The following FHIT variants were observed in gnomAD, a reference collection of about 807,000 sequenced individuals.
The protein encoded by FHIT is fragile histidine triad diadenosine triphosphatase, also known as bis(5'-adenosyl)-triphosphatase.
Under a neutral mutation model 17.9 loss-of-function variants are expected in FHIT, and 19 were observed. That is an observed-to-expected ratio of 1.06 (90% CI 0.74 to 1.56). The LOEUF is 1.56. Among genes scored for constraint, FHIT ranks in the 40% most tolerant of loss-of-function variants. The pLI, the probability that FHIT is intolerant of heterozygous loss-of-function variation, is 0.00. For missense variants in FHIT, 248 were observed against 189.2 expected, an observed-to-expected ratio of 1.31 and a Z score of -1.82; for synonymous variants, 81 against 69.7, an observed-to-expected ratio of 1.16 and a Z score of -0.81.
chr3:60,082,631 G>A (rs977440443), intron 5 of FHIT, among the ~76,000 whole-genome samples: 9 of 152,114 alleles, frequency 5.9e-5, no homozygotes, highest in African/African-American at 2.2e-4. Context: ...GGTTTCACCA[G>A]CATCTGTGTC....
intron 5 of FHIT, among the ~76,000 whole-genome samples, chr3:60,282,100 CA>C (rs1441734521): frequency 2.6e-5 from 4 of 152,140 alleles, no homozygotes; most frequent in African/African-American, 7.2e-5. Flanking sequence ...TACAGTTTTA[CA>C]GTTTCTTATA....
At chr3:60,541,035 G>C (rs1174688337) in intron 4 of FHIT, among the ~76,000 whole-genome samples, 1 of 152,178 alleles carries the variant, frequency 6.6e-6, no homozygotes, top group East Asian at 1.9e-4. Flanking sequence ...TTCCATAGCT[G>C]TCCAGGTGTT....
At chr3:60,487,192 T>C (rs2033880019) in intron 5 of FHIT, among the ~76,000 whole-genome samples, 1 of 152,006 alleles carries the variant, frequency 6.6e-6, no homozygotes, top group African/African-American at 2.4e-5. Flanking sequence ...ACTAGGCAAG[T>C]TAAAGTGCTG....
chr3:59,974,445 C>T (rs77949270), intron 7 of FHIT, among the ~76,000 whole-genome samples: 1,723 of 152,298 alleles, frequency 0.011, 34 homozygotes, highest in African/African-American at 0.039. Context: ...TTTAGGCCAT[C>T]CTGGCCTAGT....
At chr3:60,027,606 G>T (rs1002732789) in intron 5 of FHIT, among the ~76,000 whole-genome samples, 1 of 151,370 alleles carries the variant, frequency 6.6e-6, no homozygotes, top group African/African-American at 2.4e-5. Flanking sequence ...CGAATACTAC[G>T]CCATAGAGTT....
chr3:60,182,913 TA>T (rs561013009), intron 5 of FHIT, among the ~76,000 whole-genome samples: 2,158 of 136,338 alleles, frequency 0.016, 13 homozygotes, highest in Non-Finnish European at 0.02. Context: ...AATGGAGGGT[TA>T]AAAAAAAAAA....
chr3:60,107,225 C>T (rs1576114309), intron 5 of FHIT, among the ~76,000 whole-genome samples: 1 of 136,640 alleles, frequency 7.3e-6, no homozygotes, highest in African/African-American at 2.8e-5. Flanking sequence ...ATCCAGAGCA[C>T]ATGTGCATAG....
intron 3 of FHIT, among the ~76,000 whole-genome samples, chr3:60,949,746 C>T (rs782116532): frequency 5.3e-5 from 8 of 151,832 alleles, no homozygotes; most frequent in African/African-American, 9.7e-5. Context: ...TTATTTACGT[C>T]GTTGTTATTT....
chr3:60,750,203 C>T (rs1238967221), intron 4 of FHIT, among the ~76,000 whole-genome samples: 4 of 151,966 alleles, frequency 2.6e-5, no homozygotes, highest in African/African-American at 4.8e-5. Context: ...CAATGGGGAC[C>T]GAGAAGAGGC....
At chr3:60,439,387 C>T (rs917762161) in intron 5 of FHIT, among the ~76,000 whole-genome samples, 2 of 152,100 alleles carry the variant, frequency 1.3e-5, no homozygotes, top group East Asian at 1.9e-4. Flanking sequence ...GAAGTCCTAA[C>T]TGATTTGAAT....
chr3:60,125,839 C>T (rs1705523354), intron 5 of FHIT, among the ~76,000 whole-genome samples: 1 of 152,112 alleles, frequency 6.6e-6, no homozygotes, highest in Non-Finnish European at 1.5e-5. Context: ...AAAAACAATG[C>T]TTTGAAGAAA....
chr3:60,222,400 G>A (rs576948660), intron 5 of FHIT, among the ~76,000 whole-genome samples: 17 of 152,222 alleles, frequency 1.1e-4, no homozygotes, highest in Admixed American at 8.5e-4. Flanking sequence ...TGTATTACAG[G>A]TACCAACTTT....
chr3:59,827,458 A>G (rs1158098536), intron 8 of FHIT, among the ~76,000 whole-genome samples: 3 of 152,264 alleles, frequency 2.0e-5, no homozygotes, highest in African/African-American at 7.2e-5. Context: ...TTAACATGAC[A>G]TCAATTGTCA....
rs200346243 is a variant in FHIT at position 60,853,395 on chromosome 3, T to C, written c.-110-31384A>G. On this transcript the variant is annotated intron_variant, in intron 3 of 9. Coordinates refer to ENST00000492590, the MANE Select transcript of FHIT (RefSeq NM_002012.4). ...TTGGAACAACATCCAACAGTTGGAATTGTGAAGTCATAGCCCCTGGAATCA... is the reference window on the plus strand; with the variant it reads ...TTGGAACAACATCCAACAGTTGGAACTGTGAAGTCATAGCCCCTGGAATCA... 1.7e-4 allele frequency among the ~76,000 whole-genome samples: 26 copies of C among 152,230 alleles called. No individual in the cohort carries two copies. The East Asian group carries it at 4.3e-3, about 25-fold the overall frequency.
chr3:60,851,245 C>G (rs1553748190), intron 3 of FHIT, among the ~76,000 whole-genome samples: 1 of 152,100 alleles, frequency 6.6e-6, no homozygotes. Context: ...AATTCCCCCA[C>G]AGAATAAAAT....
At chr3:60,660,531 A>G (rs993056512) in intron 4 of FHIT, among the ~76,000 whole-genome samples, 2 of 152,100 alleles carry the variant, frequency 1.3e-5, no homozygotes, top group African/African-American at 4.8e-5. Context: ...TAGTTACATC[A>G]GACAGATTAT....
At chr3:60,224,475 A>T (rs867662969) in intron 5 of FHIT, among the ~76,000 whole-genome samples, 2 of 152,180 alleles carry the variant, frequency 1.3e-5, no homozygotes, top group Non-Finnish European at 2.9e-5. Context: ...TTGTTCTTCA[A>T]GGAATCTTCG....
chr3:59,986,532 T>TTTATATAAATATATAA (rs1559523586), intron 7 of FHIT, among the ~76,000 whole-genome samples: 47 of 12,012 alleles, frequency 3.9e-3, no homozygotes, highest in South Asian at 0.019. Context: ...TATATATATA[T>TTTATATAAATATATAA]ATATATATAC....
intron 4 of FHIT, among the ~76,000 whole-genome samples, chr3:60,779,671 A>G (rs570061449): frequency 6.6e-6 from 1 of 152,136 alleles, no homozygotes; most frequent in Non-Finnish European, 1.5e-5. Context: ...AGGCCATGCA[A>G]TGCCCCATCC....
Sources: gnomAD v4.1 joint callset for allele counts (sites outside exome capture counted in the v4.1 genomes callset) on GRCh38, gnomAD v4.1.1 for gene constraint, MANE v1.5 for transcripts, NCBI Gene and HGNC (gene_info 2026-07-23, HGNC 2026-07-21) for gene names.